The following ME1 variants were observed in gnomAD, a reference collection of about 807,000 sequenced individuals.
The protein encoded by ME1 is malic enzyme 1.
In ME1, 74 loss-of-function variants were observed where a neutral mutation model predicts 66.4. The observed-to-expected ratio is 1.11, with a 90% CI of 0.92 to 1.35. The LOEUF (loss-of-function observed/expected upper bound fraction) is 1.35. ME1 is among the 40% of genes most tolerant of loss of function. The pLI, the probability that ME1 is intolerant of heterozygous loss-of-function variation, is 0.00. For missense variants in ME1, 750 were observed against 694.1 expected, an observed-to-expected ratio of 1.08 and a Z score of -0.90; for synonymous variants, 251 against 235.6, an observed-to-expected ratio of 1.07 and a Z score of -0.60.
At chr6:83,291,809 T>C (rs1002545313) in intron 6 of ME1, among the ~76,000 whole-genome samples, 1 of 152,182 alleles carries the variant, frequency 6.6e-6, no homozygotes, top group African/African-American at 2.4e-5. Flanking sequence ...TTGGAGGTTT[T>C]GTTCGTTTCT....
intron 6 of ME1, among the ~76,000 whole-genome samples, chr6:83,254,974 C>T (rs1766733106): frequency 6.6e-6 from 1 of 152,236 alleles, no homozygotes; most frequent in African/African-American, 2.4e-5. Flanking sequence ...AGTCTCAAAC[C>T]ACTACCCCCT....
At position 83,253,744 on chromosome 6, in the gene ME1, G is replaced by C. The variant is rs755431777; in HGVS notation, c.705-6C>G. 2.8e-6 allele frequency: 4 copies of C among 1,450,254 alleles called. No homozygotes were observed. In the Admixed American group the frequency reaches 6.9e-5, roughly 25 times the overall value. The allele number at this position is 1,450,254 out of a possible 1,614,324, so 89.8% of individuals were successfully genotyped here. Reference sequence around the variant, plus strand: ...TAAGGCAATTCATGCCATACCTATGGGACAAAAACATTCATATTAGAAGAG... The same window carrying C: ...TAAGGCAATTCATGCCATACCTATGCGACAAAAACATTCATATTAGAAGAG... On this transcript the variant is annotated splice_region_variant and splice_polypyrimidine_tract_variant and intron_variant, in intron 6 of 13. Transcript: ENST00000369705.
chr6:83,362,262 T>C (rs572504167), intron 3 of ME1, among the ~76,000 whole-genome samples: 6 of 152,212 alleles, frequency 3.9e-5, no homozygotes, highest in African/African-American at 1.2e-4. Flanking sequence ...AGAAGCATGA[T>C]TGGAAAATTG....
intron 7 of ME1, among the ~76,000 whole-genome samples, chr6:83,243,056 G>A (rs1677597381): frequency 6.6e-6 from 1 of 151,816 alleles, no homozygotes; most frequent in Admixed American, 6.6e-5. Context: ...CCAGGGATTT[G>A]AGACCAGCCT....
intron 9 of ME1, among the ~76,000 whole-genome samples, chr6:83,230,015 G>A (rs1790269974): frequency 2.6e-5 from 4 of 151,812 alleles, no homozygotes; most frequent in Admixed American, 2.6e-4. Flanking sequence ...TAGAGATGGG[G>A]GTCTCGCTAT....
chr6:83,315,343 A>C lies in ME1; in HGVS notation c.671T>G (p.Phe224Cys), dbSNP rs983988933. The C allele has an allele frequency of 6.2e-7, 1 of 1,612,106 alleles. No homozygotes were observed. The highest frequency in any genetic ancestry group is 1.3e-5 in the African/African-American group (1 of 74,854). Residue 224 changes from phenylalanine to cysteine, a missense_variant, in exon 6 of 14, where the codon TTT (phenylalanine) becomes TGT (cysteine). Coordinates refer to ENST00000369705, the MANE Select transcript of ME1 (RefSeq NM_002395.6). ...AACTGCCTCCATGAATTCGTCCAAA[A>C]AATCATCATATTCAGAACCTCTTAC... ...RRVRGSEYDD[F>C]LDEFMEAVSS... is the part of the protein sequence containing the mutation.
chr6:83,341,655 A>T (rs888014822), intron 5 of ME1, among the ~76,000 whole-genome samples: 29 of 152,226 alleles, frequency 1.9e-4, no homozygotes, highest in African/African-American at 6.8e-4. Flanking sequence ...AGAAGATAAC[A>T]GTAATACAGA....
At chr6:83,305,633 T>C (rs1479809771) in intron 6 of ME1, among the ~76,000 whole-genome samples, 1 of 152,104 alleles carries the variant, frequency 6.6e-6, no homozygotes, top group Non-Finnish European at 1.5e-5. Flanking sequence ...GAGCACATCA[T>C]AGAGGTCAGG....
intron 5 of ME1, among the ~76,000 whole-genome samples, chr6:83,329,267 T>C (rs1363163177): frequency 6.6e-6 from 1 of 152,222 alleles, no homozygotes; most frequent in South Asian, 2.1e-4. Flanking sequence ...CCTTGATGTA[T>C]ATTCTTCCAG....
chr6:83,246,168 T>C (rs1178409085), intron 7 of ME1, among the ~76,000 whole-genome samples: 1 of 152,152 alleles, frequency 6.6e-6, no homozygotes, highest in Admixed American at 6.6e-5. Flanking sequence ...AGAATACTAA[T>C]GGAAGTAAAA....
chr6:83,329,861 T>G (rs1206564649), intron 5 of ME1, among the ~76,000 whole-genome samples: 1 of 152,214 alleles, frequency 6.6e-6, no homozygotes, highest in East Asian at 1.9e-4. Flanking sequence ...CACTCTGTTG[T>G]CTATCCTGGA....
chr6:83,296,310 G>C (rs1479392778), intron 6 of ME1, among the ~76,000 whole-genome samples: 1 of 152,144 alleles, frequency 6.6e-6, no homozygotes, highest in Non-Finnish European at 1.5e-5. Flanking sequence ...ACATCAAAAA[G>C]TTACTCCACT....
intron 3 of ME1, among the ~76,000 whole-genome samples, chr6:83,367,720 C>G (rs1361763853): frequency 6.6e-6 from 1 of 152,192 alleles, no homozygotes; most frequent in African/African-American, 2.4e-5. Flanking sequence ...CTGGATTAGG[C>G]TTTGGCTTAA....
intron 1 of ME1, among the ~76,000 whole-genome samples, chr6:83,421,555 A>G (rs1251550781): frequency 6.6e-6 from 1 of 152,220 alleles, no homozygotes; most frequent in Non-Finnish European, 1.5e-5. Flanking sequence ...AGTACGACAA[A>G]ACCAGATTAA....
At chr6:83,377,551 A>G (rs1006834900) in intron 3 of ME1, among the ~76,000 whole-genome samples, 10 of 152,192 alleles carry the variant, frequency 6.6e-5, no homozygotes, top group Non-Finnish European at 1.2e-4. Flanking sequence ...TTTTGGAAAT[A>G]CTTAAATTTA....
intron 1 of ME1, among the ~76,000 whole-genome samples, chr6:83,416,066 T>C (rs1770154341): frequency 6.6e-6 from 1 of 152,174 alleles, no homozygotes; most frequent in Non-Finnish European, 1.5e-5. Flanking sequence ...CACAAGTAGA[T>C]ATTATTTAAC....
At chr6:83,364,379 T>C (rs1562491128) in intron 3 of ME1, among the ~76,000 whole-genome samples, 1 of 151,852 alleles carries the variant, frequency 6.6e-6, no homozygotes, top group African/African-American at 2.4e-5. Flanking sequence ...GAGTTAATAC[T>C]TAATAAACTC....
At chr6:83,213,658 T>C in intron 13 of ME1, among the ~76,000 whole-genome samples, 1 of 152,094 alleles carries the variant, frequency 6.6e-6, no homozygotes, top group East Asian at 2.0e-4. Flanking sequence ...TGAGCCACCG[T>C]GCCCAGCCGA....
At chr6:83,232,108 A>G (rs1277927204) in intron 9 of ME1, among the ~76,000 whole-genome samples, 1 of 152,150 alleles carries the variant, frequency 6.6e-6, no homozygotes, top group Non-Finnish European at 1.5e-5. Flanking sequence ...TTAATTCTAG[A>G]TTACCAGTGA....
Sources: allele counts gnomAD v4.1 joint callset (sites outside exome capture counted in the v4.1 genomes callset), GRCh38; gene constraint gnomAD v4.1.1; transcripts MANE v1.5; gene names NCBI Gene and HGNC (gene_info 2026-07-23, HGNC 2026-07-21).